The following DENND10 variants were observed in gnomAD, a reference collection of about 807,000 sequenced individuals.
DENND10 encodes the protein DENN domain-containing protein 10.
DENND10 carries 24 observed loss-of-function variants against 43.6 expected under a neutral mutation model. The ratio of observed to expected loss-of-function variants is 0.55; its 90% confidence interval spans 0.40 to 0.77. The LOEUF (loss-of-function observed/expected upper bound fraction) is 0.77, where lower values mean the gene tolerates loss of function less well. Ranked by LOEUF, DENND10 falls within the 30% of genes least tolerant of loss-of-function variation. The probability of loss-of-function intolerance (pLI) is 0.00; values close to 1 mark genes in which losing one functional copy is unlikely to be tolerated. For synonymous variants in DENND10, 125 were observed against 157.6 expected (o/e 0.79, Z 1.55); for missense variants, 303 against 429.9 (o/e 0.70, Z 2.61).
intron 3 of DENND10, among the ~76,000 whole-genome samples, chr10:119,113,687 A>C (rs1483649542): frequency 2.9e-5 from 1 of 34,446 alleles, no homozygotes; most frequent in Non-Finnish European, 1.3e-4. Context: ...ACACCAAAAG[A>C]AGCAAAAAAA....
intron 4 of DENND10, among the ~76,000 whole-genome samples, chr10:119,118,321 C>T (rs1024512811): frequency 3.9e-5 from 6 of 152,116 alleles, no homozygotes; most frequent in African/African-American, 1.4e-4. Flanking sequence ...TTTTGTGCCT[C>T]GAGGTCTTCA....
At chr10:119,125,610 C>T (rs193186216) in intron 6 of DENND10, among the ~76,000 whole-genome samples, 11 of 148,184 alleles carry the variant, frequency 7.4e-5, no homozygotes, top group East Asian at 2.0e-4. Flanking sequence ...CAGGTTCAAG[C>T]GATTCTCCTG....
At position 119,104,214 on chromosome 10, in the gene DENND10, C is replaced by T; in HGVS notation, c.55+17C>T. ...GGCTGATCGGTGAGGACGTAGGCGC[C>T]CTGCCTGGAAGCCCGCACCCTGGTT... On this transcript the variant is annotated intron_variant, in intron 1 of 8. Transcript: ENST00000361432. 1 of 1,508,780 alleles carries T rather than the reference C, an allele frequency of 6.6e-7. No homozygotes were observed. Among genetic ancestry groups the T allele is most frequent in the Non-Finnish European group, 8.9e-7 (1 of 1,129,206 alleles). The allele number at this position is 1,508,780 out of a possible 1,614,324, so 93.5% of individuals were successfully genotyped here.
intron 3 of DENND10, among the ~76,000 whole-genome samples, chr10:119,116,867 G>T (rs1476687473): frequency 6.6e-6 from 1 of 151,018 alleles, no homozygotes. Flanking sequence ...TTTAGTAGAG[G>T]TGAGGTTTTG....
chr10:119,128,989 A>G (rs1845959235), intron 6 of DENND10, among the ~76,000 whole-genome samples: 1 of 152,070 alleles, frequency 6.6e-6, no homozygotes, highest in Non-Finnish European at 1.5e-5. Context: ...GATCCAAACC[A>G]TATCAGTCTC....
In DENND10 at chr10:119,136,788, C is replaced by T. The variant is rs577683531; in HGVS notation, c.*141C>T. 398 of 522,056 alleles carry T rather than the reference C, an allele frequency of 7.6e-4. 2 individuals are homozygous for T. The highest frequency in any genetic ancestry group is 7.0e-3 in the African/African-American group (352 of 50,150). The allele number at this position is 522,056 out of a possible 1,614,324, so 32.3% of individuals were successfully genotyped here. On this transcript the variant is annotated 3_prime_UTR_variant, in exon 9 of 9. Coordinates refer to ENST00000361432, the MANE Select transcript of DENND10 (RefSeq NM_207009.4). Reference sequence around the variant, plus strand: ...TTTATTTGCAAGTATTGAGATTTGACCTGAAAAACAATGAAACACATGAAC... The same window carrying T: ...TTTATTTGCAAGTATTGAGATTTGATCTGAAAAACAATGAAACACATGAAC...
intron 6 of DENND10, among the ~76,000 whole-genome samples, chr10:119,125,248 A>G (rs1463530914): frequency 6.6e-6 from 1 of 152,058 alleles, no homozygotes; most frequent in Non-Finnish European, 1.5e-5. Context: ...CCTGGATTGC[A>G]GGCATGAGCC....
chr10:119,133,925 G>C (rs949816959), intron 8 of DENND10: 1 of 152,228 alleles, frequency 6.6e-6, no homozygotes, highest in Non-Finnish European at 1.5e-5. Context: ...CTACCTAGAT[G>C]ACTTAGTATG....
At chr10:119,110,347 G>A (rs954069099) in intron 2 of DENND10, among the ~76,000 whole-genome samples, 3 of 151,900 alleles carry the variant, frequency 2.0e-5, no homozygotes, top group African/African-American at 7.2e-5. Flanking sequence ...CATTTTAAAT[G>A]TATCTCTTCA....
intron 6 of DENND10, among the ~76,000 whole-genome samples, chr10:119,125,501 C>CTTTTTTTTTTTTTTTTTTT (rs34630434): frequency 1.5e-5 from 1 of 65,848 alleles, no homozygotes; most frequent in African/African-American, 5.0e-5. Flanking sequence ...TTCTAGTTTT[C>CTTTTTTTTTTTTTTTTTTT]TTTTTTTTTT....
intron 3 of DENND10, chr10:119,114,406 C>CA: frequency 6.6e-6 from 1 of 152,420 alleles, no homozygotes; most frequent in East Asian, 1.9e-4. Flanking sequence ...GCCTTCCACA[C>CA]ACAGCTTGCT....
At chr10:119,136,117 G>A (rs1846345349) in intron 8 of DENND10, among the ~76,000 whole-genome samples, 2 of 152,190 alleles carry the variant, frequency 1.3e-5, no homozygotes, top group Admixed American at 1.3e-4. Context: ...GGTCGAGGCT[G>A]CAGTGAGCCA....
At chr10:119,118,795 C>T (rs1196974341) in intron 4 of DENND10, among the ~76,000 whole-genome samples, 9 of 151,584 alleles carry the variant, frequency 5.9e-5, no homozygotes, top group South Asian at 4.2e-4. Flanking sequence ...CTCAGCCTCC[C>T]GAGTAGCTGG....
At chr10:119,113,403 G>T (rs1248408228) in intron 3 of DENND10, among the ~76,000 whole-genome samples, 1 of 151,558 alleles carries the variant, frequency 6.6e-6, no homozygotes, top group African/African-American at 2.4e-5. Flanking sequence ...TTACTATGTT[G>T]CCCAGGCTGG....
At chr10:119,129,085 G>C (rs546590039) in intron 6 of DENND10, among the ~76,000 whole-genome samples, 1 of 152,070 alleles carries the variant, frequency 6.6e-6, no homozygotes, top group South Asian at 2.1e-4. Context: ...ACCAATCCCA[G>C]AGATCTGCTA....
intron 7 of DENND10, among the ~76,000 whole-genome samples, chr10:119,131,197 G>A (rs901834158): frequency 2.0e-5 from 3 of 152,232 alleles, no homozygotes; most frequent in Admixed American, 6.5e-5. Context: ...GGTGGCTCAC[G>A]CCTGTAATCC....
intron 6 of DENND10, among the ~76,000 whole-genome samples, chr10:119,128,347 C>T (rs1452043239): frequency 1.3e-5 from 2 of 151,794 alleles, no homozygotes; most frequent in Non-Finnish European, 2.9e-5. Flanking sequence ...CAGTGGCTCA[C>T]GCCTGTAATC....
chr10:119,130,156 C>T lies in DENND10; in HGVS notation c.802+534C>T, dbSNP rs140018067. Among the ~76,000 whole-genome samples the T allele has an allele frequency of 8.2e-4, 124 of 151,834 alleles. 1 individual carries two copies. The highest frequency in any genetic ancestry group is 3.0e-3 in the African/African-American group (123 of 41,422). On this transcript the variant is annotated intron_variant, in intron 7 of 8. Transcript: ENST00000361432. ...AGTAGTTGGGTTTACAGGCATGCAC[C>T]ACCATGCTCAGCTAATTTTTTTTTT...
chr10:119,127,084 T>C (rs1845872535), intron 6 of DENND10, among the ~76,000 whole-genome samples: 1 of 149,552 alleles, frequency 6.7e-6, no homozygotes, highest in Non-Finnish European at 1.5e-5. Context: ...TTTTTTTTTT[T>C]GGTAGAGATA....
Sources: allele counts gnomAD v4.1 joint callset (sites outside exome capture counted in the v4.1 genomes callset), GRCh38; gene constraint gnomAD v4.1.1; transcripts MANE v1.5; gene names NCBI Gene and HGNC (gene_info 2026-07-23, HGNC 2026-07-21).